Variants in SGCZ observed in about 807,000 individuals in gnomAD.
SGCZ encodes sarcoglycan zeta.
A neutral mutation model predicts 41.3 loss-of-function variants in SGCZ; 40 were observed. The observed-to-expected ratio is 0.97, with a 90% CI of 0.75 to 1.26. The LOEUF (loss-of-function observed/expected upper bound fraction) is 1.26. Among genes scored for constraint, SGCZ ranks in the 50% most tolerant of loss-of-function variants. The pLI, the probability that SGCZ is intolerant of heterozygous loss-of-function variation, is 0.00. For synonymous variants in SGCZ, 206 were observed against 137.5 expected, an observed-to-expected ratio of 1.50 and a Z score of -3.49; for missense variants, 552 against 369.8, an observed-to-expected ratio of 1.49 and a Z score of -4.04.
chr8:14,874,992 G>T (rs753565215), intron 1 of SGCZ, among the ~76,000 whole-genome samples: 3 of 152,172 alleles, frequency 2.0e-5, no homozygotes, highest in Non-Finnish European at 2.9e-5. Context: ...AAAGGACTCA[G>T]ATCTTCCTGG....
At chr8:14,840,980 G>A (rs1373613723) in intron 1 of SGCZ, among the ~76,000 whole-genome samples, 1 of 151,944 alleles carries the variant, frequency 6.6e-6, no homozygotes, top group Admixed American at 6.6e-5. Flanking sequence ...TTACTATGAA[G>A]TCAGTCTTAC....
At chr8:14,989,123 T>A (rs1801924158) in intron 1 of SGCZ, among the ~76,000 whole-genome samples, 1 of 152,112 alleles carries the variant, frequency 6.6e-6, no homozygotes, top group African/African-American at 2.4e-5. Context: ...GAAACCCCAG[T>A]TAAGTTTATG....
At chr8:14,847,911 C>A (rs1263425851) in intron 1 of SGCZ, among the ~76,000 whole-genome samples, 1 of 150,996 alleles carries the variant, frequency 6.6e-6, no homozygotes, top group African/African-American at 2.4e-5. Context: ...AATCAGGCAA[C>A]ACAAACAAAC....
chr8:14,898,385 C>A (rs1805282496), intron 1 of SGCZ, among the ~76,000 whole-genome samples: 1 of 152,298 alleles, frequency 6.6e-6, no homozygotes. Context: ...TGCCGCTGAA[C>A]CTCTGGGTGT....
In SGCZ at chr8:14,333,881, A is replaced by T. The variant is rs147950633; in HGVS notation, c.235-9677T>A. Among the ~76,000 whole-genome samples, 289 of 152,246 alleles carry T rather than the reference A, an allele frequency of 1.9e-3. 1 individual carries two copies. The highest frequency in any genetic ancestry group is 6.7e-3 in the African/African-American group (280 of 41,558). The stretch of plus-strand genomic sequence containing the variant: ...AAAAATAGGTGATTAAGGAGTTATA[A>T]GCTCCTGTCTCCACAGATGTTTAGG... On this transcript the variant is annotated intron_variant, in intron 2 of 7. Transcript: ENST00000382080.
intron 1 of SGCZ, among the ~76,000 whole-genome samples, chr8:14,867,232 A>T (rs1803963254): frequency 6.6e-6 from 1 of 152,140 alleles, no homozygotes; most frequent in Admixed American, 6.6e-5. Context: ...AAACGCCTGA[A>T]GTAGGATAAT....
chr8:14,702,826 TAGATAGATA>T (rs1809194373), intron 1 of SGCZ, among the ~76,000 whole-genome samples: 2 of 26,656 alleles, frequency 7.5e-5, no homozygotes, highest in East Asian at 1.5e-3. Context: ...GATAGATAGA[TAGATAGATA>T]GATAGATAGA....
At chr8:15,137,433 G>A (rs931484465) in intron 1 of SGCZ, among the ~76,000 whole-genome samples, 1 of 152,210 alleles carries the variant, frequency 6.6e-6, no homozygotes, top group African/African-American at 2.4e-5. Context: ...CAAGACAATG[G>A]AGTAAATGTC....
chr8:14,811,885 T>C (rs1302012228), intron 1 of SGCZ, among the ~76,000 whole-genome samples: 3 of 152,040 alleles, frequency 2.0e-5, no homozygotes, highest in Non-Finnish European at 4.4e-5. Flanking sequence ...TTTATTTCAA[T>C]TATATATAAG....
At chr8:14,142,856 C>T (rs1470935290) in intron 5 of SGCZ, among the ~76,000 whole-genome samples, 1 of 151,996 alleles carries the variant, frequency 6.6e-6, no homozygotes, top group East Asian at 1.9e-4. Flanking sequence ...TCCTCCTGCC[C>T]CAGCCATGTA....
intron 1 of SGCZ, among the ~76,000 whole-genome samples, chr8:14,854,040 T>C (rs1055476125): frequency 1.5e-4 from 21 of 144,096 alleles, no homozygotes; most frequent in African/African-American, 5.2e-4. Flanking sequence ...TATATATATA[T>C]ATATATATAT....
At chr8:15,084,813 T>C (rs1805890615) in intron 1 of SGCZ, among the ~76,000 whole-genome samples, 1 of 152,070 alleles carries the variant, frequency 6.6e-6, no homozygotes, top group African/African-American at 2.4e-5. Flanking sequence ...TGTAAGAACA[T>C]ATTTTTGGCT....
Position 14,593,973 on chromosome 8 carries a change from G to A in SGCZ, c.40-39047C>T, listed in dbSNP as rs553147017. The stretch of plus-strand genomic sequence containing the variant: ...GTGGATCACTTGAGGTCAGGAGTTC[G>A]AGAGCAGTCTGGCCCACATGGTGAA... On this transcript the variant is annotated intron_variant, in intron 1 of 7. Transcript: ENST00000382080. Among the ~76,000 whole-genome samples the A allele has an allele frequency of 6.6e-5, 10 of 152,028 alleles. 1 individual carries two copies. The South Asian group carries it at 1.9e-3, about 28-fold the overall frequency.
intron 1 of SGCZ, among the ~76,000 whole-genome samples, chr8:15,128,745 G>A (rs1225016710): frequency 6.6e-6 from 1 of 152,094 alleles, no homozygotes; most frequent in African/African-American, 2.4e-5. Context: ...CCTATGACAA[G>A]GCCACAACAC....
intron 5 of SGCZ, among the ~76,000 whole-genome samples, chr8:14,134,519 T>C (rs1437067903): frequency 1.3e-5 from 2 of 152,230 alleles, no homozygotes; most frequent in East Asian, 1.9e-4. Flanking sequence ...TCTGAGGAAA[T>C]TGGCATAGAA....
chr8:14,170,562 A>G (rs1563165282), intron 4 of SGCZ, among the ~76,000 whole-genome samples: 1 of 152,078 alleles, frequency 6.6e-6, no homozygotes, highest in Non-Finnish European at 1.5e-5. Flanking sequence ...ATCCACTTCT[A>G]TTGACTACAT....
At chr8:14,835,096 T>C (rs1240198184) in intron 1 of SGCZ, among the ~76,000 whole-genome samples, 1 of 152,164 alleles carries the variant, frequency 6.6e-6, no homozygotes, top group Non-Finnish European at 1.5e-5. Context: ...GATTGCAATC[T>C]CTCATCAAAG....
intron 1 of SGCZ, among the ~76,000 whole-genome samples, chr8:14,774,674 T>A (rs1428182192): frequency 2.0e-5 from 3 of 152,216 alleles, no homozygotes; most frequent in Non-Finnish European, 2.9e-5. Flanking sequence ...CACCCTAGCT[T>A]TGACTTTGCT....
intron 1 of SGCZ, among the ~76,000 whole-genome samples, chr8:14,818,992 A>G (rs1801988474): frequency 6.6e-6 from 1 of 152,130 alleles, no homozygotes. Flanking sequence ...ATCTAATGAA[A>G]TAATTTCTGA....
Sources: allele counts gnomAD v4.1 joint callset (sites outside exome capture counted in the v4.1 genomes callset), GRCh38; gene constraint gnomAD v4.1.1; transcripts MANE v1.5; gene names NCBI Gene and HGNC (gene_info 2026-07-23, HGNC 2026-07-21).